The following MTIF2 variants were observed in gnomAD, a reference collection of about 807,000 sequenced individuals.
MTIF2 encodes the protein mitochondrial translational initiation factor 2.
Under a neutral mutation model 83.5 loss-of-function variants are expected in MTIF2, and 71 were observed. The ratio of observed to expected loss-of-function variants is 0.85; its 90% CI spans 0.70 to 1.04. The LOEUF (loss-of-function observed/expected upper bound fraction) is 1.04, where lower values mean the gene tolerates loss of function less well. Among genes scored for constraint, MTIF2 ranks in the 50% least tolerant of loss-of-function variants. The probability of loss-of-function intolerance (pLI) is 0.00; values close to 1 mark genes in which losing one functional copy is unlikely to be tolerated. For missense variants in MTIF2, 957 were observed against 846.5 expected (o/e 1.13, Z -1.62); for synonymous variants, 319 against 287.1 (o/e 1.11, Z -1.12).
Position 55,242,924 on chromosome 2 carries a change from G to A in MTIF2, c.1705+16C>T, listed in dbSNP as rs373277236. On this transcript the variant is annotated intron_variant, in intron 13 of 15. Transcript: ENST00000263629. The stretch of plus-strand genomic sequence containing the variant: ...TTTGGGGAACACAGATTAACAAGAA[G>A]AAATGGAATCCTTACCATCAAATGT... The A allele has an allele frequency of 5.6e-6, 9 of 1,599,642 alleles. No homozygotes were observed. In the African/African-American group the frequency reaches 9.4e-5, roughly 17 times the overall value.
rs1227995399 is a variant in MTIF2 at position 55,255,874 on chromosome 2, AT to A, written c.332-1050del. 4.0e-5 allele frequency among the ~76,000 whole-genome samples: 6 copies of A among 151,230 alleles called. No homozygotes were observed. The Admixed American group carries it at 4.0e-4, about 10-fold the overall frequency. The stretch of plus-strand genomic sequence containing the variant: ...TAACTGCAAGAGAACCTGAGTACTG[AT>A]TTTTTTCTCTTTTTTTTTGGGACAG... On this transcript the variant is annotated intron_variant, in intron 5 of 15. Coordinates refer to ENST00000263629, the MANE Select transcript of MTIF2 (RefSeq NM_002453.3).
chr2:55,236,784 A>G lies in MTIF2; in HGVS notation c.2048T>C (p.Ile683Thr), dbSNP rs1403111323. The part of the protein sequence containing the change: ...LTSLKHHKDD[I>T]SIVKTGMDCG... ...ATCCATTCCCGTTTTGACAATTGAAATGTCATCTTTATGGTGTTTCAATGA... is the reference window on the plus strand; with the variant it reads ...ATCCATTCCCGTTTTGACAATTGAAGTGTCATCTTTATGGTGTTTCAATGA... Residue 683 changes from isoleucine to threonine, a missense_variant, in exon 16 of 16, where the codon ATT becomes ACT. Physicochemically the swap from Ile to Thr is moderately conservative, Grantham distance 89. Around this residue, in one of 3 missense-constraint regions of MTIF2, gnomAD observed 221 missense variants for 180.6 expected, o/e 1.22. Coordinates refer to ENST00000263629, the MANE Select transcript of MTIF2 (RefSeq NM_002453.3). 6.2e-7 allele frequency: 1 copy of G among 1,609,032 alleles called. No individual in the cohort carries two copies. Among genetic ancestry groups the G allele is most frequent in the South Asian group, 1.1e-5 (1 of 89,642 alleles).
chr2:55,267,865 G>A (rs779895543), intron 2 of MTIF2: 3 of 152,292 alleles, frequency 2.0e-5, no homozygotes, highest in South Asian at 2.1e-4. Flanking sequence ...GTGTATGTGT[G>A]TGTAATCGAG....
At chr2:55,246,246 A>G (rs1226055402) in intron 10 of MTIF2, 91 bp downstream of exon 10, 1 of 1,292,986 alleles carries the variant, frequency 7.7e-7, no homozygotes, top group Non-Finnish European at 1.0e-6. Flanking sequence ...TGAACTAACA[A>G]TAACATGTAA....
At chr2:55,254,266 G>A in intron 6 of MTIF2, 65 bp from the exon 7 acceptor site, 9 of 1,531,478 alleles carry the variant, frequency 5.9e-6, no homozygotes, top group Non-Finnish European at 7.1e-6. Context: ...CCTGTGAATT[G>A]GTTCACATTT....
chr2:55,268,769 T>C (rs1483667881), intron 1 of MTIF2, 30 bp from the exon 2 acceptor site: 1 of 152,192 alleles, frequency 6.6e-6, no homozygotes, highest in Non-Finnish European at 1.5e-5. Context: ...AATACGTAGT[T>C]GCGTTAGGGA....
At chr2:55,261,709 C>A (rs1444728836) in intron 5 of MTIF2, among the ~76,000 whole-genome samples, 1 of 151,818 alleles carries the variant, frequency 6.6e-6, no homozygotes, top group East Asian at 1.9e-4. Context: ...GAGGTTGAGG[C>A]AGAAGGATTA....
chr2:55,259,155 CTT>C (rs1036222550), intron 5 of MTIF2, among the ~76,000 whole-genome samples: 12 of 152,062 alleles, frequency 7.9e-5, no homozygotes, highest in African/African-American at 2.9e-4. Flanking sequence ...TTATCCAAGA[CTT>C]AAATAAATAT....
chr2:55,242,574 G>A (rs183500194), intron 13 of MTIF2, among the ~76,000 whole-genome samples: 1 of 152,216 alleles, frequency 6.6e-6, no homozygotes, highest in Non-Finnish European at 1.5e-5. Flanking sequence ...TGAATAGGGT[G>A]ATTACAGTGT....
At chr2:55,257,421 C>T (rs111273622) in intron 5 of MTIF2, among the ~76,000 whole-genome samples, 2 of 152,040 alleles carry the variant, frequency 1.3e-5, no homozygotes, top group African/African-American at 4.8e-5. Context: ...GCGGAGGTTG[C>T]AGTGAGCTGA....
chr2:55,238,007 A>G (rs1458700784), intron 14 of MTIF2, among the ~76,000 whole-genome samples: 3 of 151,650 alleles, frequency 2.0e-5, no homozygotes, highest in African/African-American at 7.3e-5. Flanking sequence ...TTCCTTCAAT[A>G]TATTTTCTAG....
intron 3 of MTIF2, among the ~76,000 whole-genome samples, chr2:55,264,927 A>G (rs879719268): frequency 8.5e-5 from 13 of 152,116 alleles, no homozygotes; most frequent in Admixed American, 7.9e-4. Context: ...AAGGACAGGA[A>G]CGACAAAAAC....
chr2:55,246,178 T>C (rs1257078985), intron 10 of MTIF2, among the ~76,000 whole-genome samples, 159 bp downstream of exon 10: 1 of 152,270 alleles, frequency 6.6e-6, no homozygotes, highest in East Asian at 1.9e-4. Flanking sequence ...TTTGTGTTCT[T>C]GTATTAGTAC....
rs1678655071 is a variant in MTIF2, at chr2:55,269,190, T to C, written c.-258A>G. 6.6e-6 allele frequency: 1 copy of C among 152,358 alleles called. No homozygotes were observed. 9.4% of individuals were successfully genotyped at this position (152,358 alleles called of 1,614,324 possible). ...CTACCTACAGCCCCGGGCCCCTGGA[T>C]TCTGAGCACGGGCGGAGATCACCTT... On this transcript the variant is annotated 5_prime_UTR_variant, in exon 1 of 16. Coordinates refer to ENST00000263629, the MANE Select transcript of MTIF2 (RefSeq NM_002453.3).
At chr2:55,237,235 A>T in intron 15 of MTIF2, 53 bp downstream of exon 15, 2 of 1,556,156 alleles carry the variant, frequency 1.3e-6, no homozygotes, top group Non-Finnish European at 1.7e-6. Flanking sequence ...TTATATAGTC[A>T]ACAGGTCTTG....
intron 8 of MTIF2, 142 bp from the exon 9 acceptor site, chr2:55,249,676 C>T: frequency 1.2e-6 from 1 of 861,330 alleles, no homozygotes; most frequent in Non-Finnish European, 1.8e-6. Context: ...AAATGACCCA[C>T]TTTAGAGTCA....
rs188477522 is a variant in MTIF2 at position 55,242,699 on chromosome 2, C to T, written c.1705+241G>A. Among the ~76,000 whole-genome samples the T allele has an allele frequency of 1.2e-3, 183 of 152,158 alleles. 5 individuals are homozygous for T. The highest frequency in any genetic ancestry group is 0.011 in the Admixed American group (169 of 15,280). ...GGTGCTTTTAAAAAAAAAAGATAAACGTGACCAGGTCTTGAAATAGTTCCC... is the reference window on the plus strand; with the variant it reads ...GGTGCTTTTAAAAAAAAAAGATAAATGTGACCAGGTCTTGAAATAGTTCCC... On this transcript the variant is annotated intron_variant, in intron 13 of 15. Transcript: ENST00000263629.
At position 55,252,604 on chromosome 2, in the gene MTIF2, A is replaced by G. The variant is rs200355392; in HGVS notation, c.714T>C (p.His238=). The part of the protein sequence containing the change: ...EKITFLDTPG[H]AAFSAMRARG... ...TGGCTCTCATTGCTGAGAAAGCAGC[A>G]TGTCCTGGAGTATCAAGAAAAGTTA... The change falls in exon 8 of 16, where the codon CAT becomes CAC. Residue 238 remains histidine, a synonymous_variant. Transcript: ENST00000263629. The G allele has an allele frequency of 6.2e-7, 1 of 1,614,216 alleles. No individual in the cohort carries two copies. Among genetic ancestry groups the G allele is most frequent in the East Asian group, 2.2e-5 (1 of 44,872 alleles).
At chr2:55,239,151 T>G (rs1390705477) in intron 14 of MTIF2, among the ~76,000 whole-genome samples, 1 of 152,232 alleles carries the variant, frequency 6.6e-6, no homozygotes, top group East Asian at 1.9e-4. Flanking sequence ...GGAAAAAAAG[T>G]ATACTGTTGG....
Sources: allele counts gnomAD v4.1 joint callset (sites outside exome capture counted in the v4.1 genomes callset), GRCh38; gene constraint gnomAD v4.1.1; regional missense constraint gnomAD v4.1.1; transcripts MANE v1.5; gene names NCBI Gene and HGNC (gene_info 2026-07-23, HGNC 2026-07-21).